PDE1C: variants seen among roughly 807,000 people sequenced by gnomAD.
PDE1C encodes phosphodiesterase 1C.
In PDE1C, 62 loss-of-function variants were observed where a neutral mutation model predicts 93.1. The ratio of observed to expected loss-of-function variants is 0.67; its 90% CI spans 0.54 to 0.82. PDE1C has a LOEUF of 0.82. PDE1C is among the 40% of genes least tolerant of loss of function. The pLI is 0.00. For synonymous variants in PDE1C, 325 were observed against 310.1 expected (o/e 1.05, Z -0.50); for missense variants, 742 against 884.6 (o/e 0.84, Z 2.04).
chr7:31,641,085 G>A, the PDE1C span, among the ~76,000 whole-genome samples: 6 of 152,136 alleles, frequency 3.9e-5, no homozygotes, highest in Admixed American at 2.6e-4. Flanking sequence ...CACATGGACC[G>A]TTAAGGCTCT....
chr7:31,753,551 T>C lies in PDE1C; in HGVS notation c.1963A>G (p.Ile655Val), dbSNP rs1414500516. 1.2e-6 allele frequency: 2 copies of C among 1,608,318 alleles called. No individual in the cohort carries two copies. The highest frequency in any genetic ancestry group is 1.7e-6 in the Non-Finnish European group (2 of 1,177,758). The part of the protein sequence containing the change: ...SSTCRLTLPV[I>V]KPPLRHFKRP... ...TTAAAATGACGCAAAGGAGGCTTGA[T>C]GACTGGCGGCCATGGAAAGGAAGAC... Residue 655 changes from isoleucine to valine, a missense_variant and splice_region_variant, in exon 18 of 18, where the codon ATC becomes GTC. Around this residue, in one of 4 missense-constraint regions of PDE1C, gnomAD observed 454 missense variants for 459.4 expected, o/e 0.99. Transcript: ENST00000396191.
chr7:32,075,309 GCAT>G (rs1211971407), upstream of PDE1C, among the ~76,000 whole-genome samples: 1 of 152,174 alleles, frequency 6.6e-6, no homozygotes, highest in Non-Finnish European at 1.5e-5. Context: ...CTTGGCAGTG[GCAT>G]CATGAAGAGA....
chr7:32,002,904 C>T (rs1397037723), intron 2 of PDE1C, among the ~76,000 whole-genome samples: 3 of 152,154 alleles, frequency 2.0e-5, no homozygotes, highest in African/African-American at 4.8e-5. Flanking sequence ...GTGATAACTA[C>T]AAGCAATATT....
chr7:32,171,437 C>A (rs559561099), intron 2 of PDE1C, among the ~76,000 whole-genome samples: 5 of 150,702 alleles, frequency 3.3e-5, no homozygotes, highest in Non-Finnish European at 5.9e-5. Context: ...CATGCACAGA[C>A]TTTTTTTGTC....
chr7:31,799,681 T>A (rs745999242), intron 16 of PDE1C, among the ~76,000 whole-genome samples: 2 of 151,750 alleles, frequency 1.3e-5, no homozygotes, highest in African/African-American at 2.4e-5. Flanking sequence ...AATGTAGATA[T>A]GATTAGAGGC....
chr7:32,056,096 C>G (rs1794039633), intron 1 of PDE1C, among the ~76,000 whole-genome samples: 1 of 151,928 alleles, frequency 6.6e-6, no homozygotes, highest in Non-Finnish European at 1.5e-5. Context: ...CTACAAATCT[C>G]AAGATTTCAT....
the PDE1C span, among the ~76,000 whole-genome samples, chr7:31,669,845 T>A: frequency 3.3e-5 from 5 of 152,194 alleles, no homozygotes; most frequent in African/African-American, 1.2e-4. Context: ...TTATCAAATA[T>A]AATTTAAAAG....
intron 1 of PDE1C, among the ~76,000 whole-genome samples, chr7:32,350,434 A>G (rs192247245): frequency 7.2e-5 from 11 of 152,230 alleles, no homozygotes; most frequent in African/African-American, 2.4e-4. Flanking sequence ...TAATATCATC[A>G]AATATTGTGT....
intron 1 of PDE1C, among the ~76,000 whole-genome samples, chr7:32,374,119 G>GGAAGGAGAGA (rs1554313913): frequency 8.0e-5 from 10 of 125,764 alleles, no homozygotes; most frequent in Admixed American, 2.6e-4. Context: ...AAGGAAGGAA[G>GGAAGGAGAGA]GAGAGAGAGA....
chr7:32,077,278 G>C (rs1796409074), intron 3 of PDE1C, among the ~76,000 whole-genome samples: 1 of 152,120 alleles, frequency 6.6e-6, no homozygotes, highest in Non-Finnish European at 1.5e-5. Context: ...CGTATGGCCA[G>C]TGCCTTGTAC....
chr7:31,724,499 C>T, the PDE1C span, among the ~76,000 whole-genome samples: 3 of 152,166 alleles, frequency 2.0e-5, no homozygotes, highest in Non-Finnish European at 4.4e-5. Flanking sequence ...ACAGCCAATC[C>T]AAAGCATCTC....
intron 1 of PDE1C, among the ~76,000 whole-genome samples, chr7:32,248,516 G>A (rs974441866): frequency 6.6e-6 from 1 of 152,200 alleles, no homozygotes; most frequent in Admixed American, 6.5e-5. Context: ...CCCAGAACTT[G>A]GAAGAAAGAC....
chr7:31,792,699 G>A (rs973558679), intron 16 of PDE1C, among the ~76,000 whole-genome samples: 2 of 151,954 alleles, frequency 1.3e-5, no homozygotes, highest in African/African-American at 2.4e-5. Flanking sequence ...ATTGTGTTCT[G>A]GTTTTATGTA....
At chr7:32,232,516 G>A (rs1472237338) in intron 1 of PDE1C, among the ~76,000 whole-genome samples, 2 of 152,198 alleles carry the variant, frequency 1.3e-5, no homozygotes, top group South Asian at 2.1e-4. Flanking sequence ...TTCAGGCACA[G>A]TCTTGGAAAA....
chr7:31,717,684 G>A, the PDE1C span, among the ~76,000 whole-genome samples: 5 of 152,206 alleles, frequency 3.3e-5, no homozygotes, highest in African/African-American at 1.2e-4. Flanking sequence ...GGTTCTCAAT[G>A]CATTAGCTAT....
chr7:32,187,142 CTCTT>C (rs948531366), intron 2 of PDE1C, among the ~76,000 whole-genome samples: 2 of 151,744 alleles, frequency 1.3e-5, no homozygotes, highest in Admixed American at 6.6e-5. Flanking sequence ...TTCCTTCTCT[CTCTT>C]TCTCTTTCTC....
intron 1 of PDE1C, among the ~76,000 whole-genome samples, chr7:32,340,940 C>T (rs1011548618): frequency 1.3e-5 from 2 of 152,080 alleles, no homozygotes; most frequent in African/African-American, 4.8e-5. Context: ...TGTCAGTATA[C>T]ATTCATCCAA....
intron 1 of PDE1C, among the ~76,000 whole-genome samples, chr7:32,244,851 G>A (rs1368645437): frequency 3.9e-5 from 6 of 152,224 alleles, no homozygotes; most frequent in Non-Finnish European, 8.8e-5. Context: ...CTCAGAGGGT[G>A]TCATGAGCCA....
At chr7:32,405,543 G>A (rs532710444) in intron 1 of PDE1C, among the ~76,000 whole-genome samples, 7 of 152,200 alleles carry the variant, frequency 4.6e-5, no homozygotes, top group South Asian at 4.1e-4. Context: ...CACCGTGCCC[G>A]GCCTAACTTG....
Sources: gnomAD v4.1 joint callset for allele counts (sites outside exome capture counted in the v4.1 genomes callset) on GRCh38, gnomAD v4.1.1 for gene constraint, gnomAD v4.1.1 regional missense constraint, MANE v1.5 for transcripts, NCBI Gene and HGNC (gene_info 2026-07-23, HGNC 2026-07-21) for gene names.